The following SPATA31H1 variants were observed in gnomAD, a reference collection of about 807,000 sequenced individuals.
The protein encoded by SPATA31H1 is spermatogenesis-associated protein 31H1.
chr2:27,580,437 C>A, the SPATA31H1 span: 2 of 1,614,134 alleles, frequency 1.2e-6, no homozygotes, highest in Non-Finnish European at 1.7e-6. Flanking sequence ...TTCAAAATAT[C>A]CAATGAAGAG....
chr2:27,576,984 C>A, the SPATA31H1 span: 1 of 1,614,066 alleles, frequency 6.2e-7, no homozygotes. Context: ...GATGATCCCA[C>A]AGCCAAAGTA....
chr2:27,578,363 C>A, the SPATA31H1 span: 1 of 1,614,112 alleles, frequency 6.2e-7, no homozygotes, highest in Non-Finnish European at 8.5e-7. Flanking sequence ...CAGGGCCATC[C>A]CTTCAAATCG....
At chr2:27,555,869 C>T in the SPATA31H1 span, among the ~76,000 whole-genome samples, 2 of 151,900 alleles carry the variant, frequency 1.3e-5, no homozygotes, top group African/African-American at 4.9e-5. Context: ...TGCGGTGGCT[C>T]ACGCCTGTAA....
At chr2:27,577,072 T>C in the SPATA31H1 span, 1 of 1,614,180 alleles carries the variant, frequency 6.2e-7, no homozygotes, top group South Asian at 1.1e-5. The surrounding 1 kb of genome is among the most constrained non-coding windows in gnomAD (Gnocchi z 4.5). Flanking sequence ...GCACAAGGAT[T>C]GGCATATAAA....
the SPATA31H1 span, among the ~76,000 whole-genome samples, chr2:27,545,729 C>T: frequency 6.6e-6 from 1 of 151,826 alleles, no homozygotes; most frequent in African/African-American, 2.4e-5. Context: ...TGTGCGCCAC[C>T]ATGCCTGGCT....
At chr2:27,541,145 G>C in the SPATA31H1 span, among the ~76,000 whole-genome samples, 4 of 150,358 alleles carry the variant, frequency 2.7e-5, no homozygotes, top group African/African-American at 7.4e-5. Context: ...CCGGCACCTC[G>C]GGAGGCCGAG....
At chr2:27,558,944 A>G in the SPATA31H1 span, among the ~76,000 whole-genome samples, 1 of 145,122 alleles carries the variant, frequency 6.9e-6, no homozygotes, top group African/African-American at 2.5e-5. Context: ...GGAGAGGGAG[A>G]GGGAGAGGGA....
chr2:27,578,033 A>ATCTAAGGTGT, the SPATA31H1 span: 2 of 1,614,166 alleles, frequency 1.2e-6, no homozygotes, highest in Non-Finnish European at 1.7e-6. Flanking sequence ...AAGTCACAGA[A>ATCTAAGGTGT]TCTGCAAGGA....
chr2:27,569,728 G>A, the SPATA31H1 span: 2 of 398,820 alleles, frequency 5.0e-6, no homozygotes, highest in African/African-American at 4.1e-5. Flanking sequence ...CCGCTACAAA[G>A]TATGCCATTG....
chr2:27,565,355 T>C, the SPATA31H1 span: 2 of 717,334 alleles, frequency 2.8e-6, no homozygotes, highest in Admixed American at 4.0e-5. Context: ...GCAGCATAGA[T>C]TGAAAAAGAT....
At chr2:27,554,274 A>G in the SPATA31H1 span, among the ~76,000 whole-genome samples, 1 of 151,982 alleles carries the variant, frequency 6.6e-6, no homozygotes, top group Non-Finnish European at 1.5e-5. Flanking sequence ...CATGCGCCTC[A>G]AAACTCTTCC....
At chr2:27,568,981 C>G in the SPATA31H1 span, 32 of 398,790 alleles carry the variant, frequency 8.0e-5, no homozygotes, top group Non-Finnish European at 1.3e-4. Context: ...GGAAAAGAAG[C>G]AAAGTTGACC....
At chr2:27,578,650 A>G in the SPATA31H1 span, 1 of 1,614,200 alleles carries the variant, frequency 6.2e-7, no homozygotes, top group Non-Finnish European at 8.5e-7. Flanking sequence ...ATAAAAACAG[A>G]GCCTCCTAAA....
chr2:27,560,709 G>A, the SPATA31H1 span, among the ~76,000 whole-genome samples: 2 of 151,866 alleles, frequency 1.3e-5, no homozygotes, highest in Non-Finnish European at 2.9e-5. Context: ...CGCCTGCCTC[G>A]GCCTCCCAAA....
chr2:27,564,781 C>T, the SPATA31H1 span, among the ~76,000 whole-genome samples: 8 of 151,290 alleles, frequency 5.3e-5, no homozygotes, highest in African/African-American at 1.2e-4. Flanking sequence ...CCAGCCTGGG[C>T]GACAGAGTGA....
the SPATA31H1 span, chr2:27,537,454 C>T: frequency 1.5e-5 from 11 of 717,322 alleles, no homozygotes; most frequent in Non-Finnish European, 2.6e-5. Flanking sequence ...GATGGACGTC[C>T]CACTGCCATC....
chr2:27,577,461 C>G, the SPATA31H1 span: 1 of 1,614,094 alleles, frequency 6.2e-7, no homozygotes, highest in Middle Eastern at 1.6e-4. This position sits in a 1 kb window ranked among gnomAD's most constrained non-coding sequence, Gnocchi z 4.5. Flanking sequence ...GACCCCAAAG[C>G]CAACAAGTCA....
chr2:27,575,941 C>T, the SPATA31H1 span: 1 of 398,518 alleles, frequency 2.5e-6, no homozygotes. This position sits in a 1 kb window ranked among gnomAD's most constrained non-coding sequence, Gnocchi z 4.1. Context: ...AACCCAGGGA[C>T]AGAAATTCAA....
the SPATA31H1 span, among the ~76,000 whole-genome samples, chr2:27,547,616 G>C: frequency 6.6e-6 from 1 of 152,000 alleles, no homozygotes; most frequent in Non-Finnish European, 1.5e-5. Context: ...TTTAATTGGA[G>C]ATAACTGACA....
Sources: allele counts gnomAD v4.1 joint callset (sites outside exome capture counted in the v4.1 genomes callset), GRCh38; gene constraint gnomAD v4.1.1; non-coding constraint Gnocchi (gnomAD v3.1); transcripts MANE v1.5; gene names NCBI Gene and HGNC (gene_info 2026-07-23, HGNC 2026-07-21).